Variants in ZBTB4 observed in about 807,000 individuals in gnomAD.
ZBTB4 encodes zinc finger and BTB domain containing 4.
ZBTB4 carries 14 observed loss-of-function variants against 59.8 expected under a neutral mutation model. The ratio of observed to expected loss-of-function variants is 0.23; its 90% CI spans 0.15 to 0.37. ZBTB4 has a LOEUF of 0.37. Among genes scored for constraint, ZBTB4 ranks in the 10% least tolerant of loss-of-function variants. The pLI, the probability that ZBTB4 is intolerant of heterozygous loss-of-function variation, is 1.00. For synonymous variants in ZBTB4, 587 were observed against 575.2 expected (o/e 1.02, Z -0.29); for missense variants, 1,198 against 1,380.8 (o/e 0.87, Z 2.10).
rs1445102559 is a variant in ZBTB4, at chr17:7,461,394, G to C, written c.*546C>G. 2.6e-5 allele frequency: 4 copies of C among 152,850 alleles called. No individual in the cohort carries two copies. Among genetic ancestry groups the C allele is most frequent in the Non-Finnish European group, 5.9e-5 (4 of 68,214 alleles). 9.5% of individuals were successfully genotyped at this position (152,850 alleles called of 1,614,324 possible). A position where few individuals can be genotyped will look rare whatever the true frequency, so the allele number is the denominator to read the frequency against. ...GATACAAGGGAAACAGGGACGTAGA[G>C]ACCCACGCTGGGGAAGGATGAAACC... On this transcript the variant is annotated 3_prime_UTR_variant, in exon 4 of 4. Coordinates refer to ENST00000380599, the MANE Select transcript of ZBTB4 (RefSeq NM_001128833.2).
At chr17:7,477,984 G>A (rs979876190) in intron 1 of ZBTB4, among the ~76,000 whole-genome samples, 2 of 152,026 alleles carry the variant, frequency 1.3e-5, no homozygotes, top group South Asian at 4.1e-4. Flanking sequence ...GCCTCCATGC[G>A]CTACCCTGCA....
chr17:7,482,376 C>T, upstream of ZBTB4: 1 of 1,614,008 alleles, frequency 6.2e-7, no homozygotes, highest in Non-Finnish European at 8.5e-7. Flanking sequence ...GGCAACGCTG[C>T]CACTGTTCGC....
Position 7,463,807 on chromosome 17 carries a change from G to C in ZBTB4, c.1175C>G (p.Pro392Arg), listed in dbSNP as rs765367165. The change falls in exon 4 of 4, where the codon CCG (proline) becomes CGG (arginine). Residue 392 changes from proline to arginine, a missense_variant. Pro to Arg is a moderately radical substitution (Grantham distance 103, BLOSUM62 -2). Coordinates refer to ENST00000380599, the MANE Select transcript of ZBTB4 (RefSeq NM_001128833.2). ...TGTCTTCTCACTGGCAAGGAGGCCCGGGCTAATGCCGTGGAAGGCTCGCTG... is the reference window on the plus strand; with the variant it reads ...TGTCTTCTCACTGGCAAGGAGGCCCCGGCTAATGCCGTGGAAGGCTCGCTG... ...THQRAFHGIS[P>R]GLLASEKTPN... 8.7e-6 allele frequency: 14 copies of C among 1,614,146 alleles called. No individual in the cohort carries two copies. In the East Asian group the frequency reaches 2.9e-4, roughly 33 times the overall value.
At position 7,462,401 on chromosome 17, in the gene ZBTB4, C is replaced by A. The variant is rs776731567; in HGVS notation, c.2581G>T (p.Val861Leu). 2 of 1,613,872 alleles carry A rather than the reference C, an allele frequency of 1.2e-6. No homozygotes were observed. The highest frequency in any genetic ancestry group is 2.7e-5 in the African/African-American group (2 of 74,938). ...TATACATAGCTGCCCCCGCTTGCCA[C>A]TACTGGGGGCTCCTCACCCCCTGAA... is the stretch of plus-strand genomic sequence containing the variant. ...IISGGEEPPV[V>L]ASGGSYVYPP... Residue 861 changes from valine to leucine, a missense_variant, in exon 4 of 4, where the codon GTG becomes TTG. Physicochemically the swap from Val to Leu is conservative, Grantham distance 32. Transcript: ENST00000380599. This position sits in a 1 kb window ranked among gnomAD's most constrained non-coding sequence, Gnocchi z 7.5.
intron 1 of ZBTB4, among the ~76,000 whole-genome samples, chr17:7,478,145 CAT>C (rs1182107429): frequency 2.0e-5 from 3 of 152,188 alleles, no homozygotes; most frequent in African/African-American, 7.2e-5. Context: ...TCCCTCCCCA[CAT>C]GTGTTTTCTG....
intron 1 of ZBTB4, among the ~76,000 whole-genome samples, chr17:7,477,945 C>T (rs955950938): frequency 6.6e-6 from 1 of 152,132 alleles, no homozygotes; most frequent in Non-Finnish European, 1.5e-5. Flanking sequence ...ATTAGCTGGG[C>T]CATCTGACAA....
upstream of ZBTB4, chr17:7,482,958 C>G (rs759139929): frequency 3.5e-5 from 57 of 1,611,798 alleles, no homozygotes; most frequent in Non-Finnish European, 4.7e-5. Context: ...ATCATCACAG[C>G]CTGGAACCTC....
chr17:7,463,532 G>C lies in ZBTB4; in HGVS notation c.1450C>G (p.His484Asp), dbSNP rs2070066976. 4 of 1,581,584 alleles carry C rather than the reference G, an allele frequency of 2.5e-6. No homozygotes were observed. The highest frequency in any genetic ancestry group is 3.4e-6 in the Non-Finnish European group (4 of 1,164,284). ...CCTCCACCACTGCTACTGCCCCCAT[G>C]GACAATGACAGAGGGGGCTGGGTGG... ...FAHPAPSVIV[H>D]GGSSSGGGGS... Residue 484 changes from histidine to aspartate, a missense_variant, in exon 4 of 4, where the codon CAT (histidine) becomes GAT (aspartate). Transcript: ENST00000380599.
upstream of ZBTB4, among the ~76,000 whole-genome samples, chr17:7,480,699 G>A (rs957809023): frequency 1.3e-5 from 2 of 151,394 alleles, no homozygotes; most frequent in Non-Finnish European, 2.9e-5. Context: ...CAGCCTGGGC[G>A]ACAGAGACAG....
In ZBTB4 at chr17:7,461,768, T is replaced by G; in HGVS notation, c.*172A>C. On this transcript the variant is annotated 3_prime_UTR_variant, in exon 4 of 4. Coordinates refer to ENST00000380599, the MANE Select transcript of ZBTB4 (RefSeq NM_001128833.2). ...CCTCGAAAGATCCCTTCCCAGGAGA[T>G]GGGAAAACTACATCTCACACAAAGC... 2 of 523,320 alleles carry G rather than the reference T, an allele frequency of 3.8e-6. No individual in the cohort carries two copies. The highest frequency in any genetic ancestry group is 6.7e-6 in the Non-Finnish European group (2 of 298,164). The allele number at this position is 523,320 out of a possible 1,614,324, so 32.4% of individuals were successfully genotyped here. A position where few individuals can be genotyped will look rare whatever the true frequency, so the allele number is the denominator to read the frequency against.
In ZBTB4 at chr17:7,473,824, A is replaced by G. The variant is rs146281596; in HGVS notation, c.-81+5632T>C. Among the ~76,000 whole-genome samples, 27 of 152,316 alleles carry G rather than the reference A, an allele frequency of 1.8e-4. No individual in the cohort carries two copies. In the East Asian group the frequency reaches 5.0e-3, roughly 28 times the overall value. ...CTCAGCATCCCAAAGTGCTGGGATC[A>G]TAGTGGAAAGCCACTGCGCCCAGCT... On this transcript the variant is annotated intron_variant, in intron 1 of 3. Coordinates refer to ENST00000380599, the MANE Select transcript of ZBTB4 (RefSeq NM_001128833.2).
rs11871207 is a variant in ZBTB4, at chr17:7,463,761, G to A, written c.1221C>T (p.Pro407=). 2.2e-3 allele frequency: 3,479 copies of A among 1,614,116 alleles called. 69 individuals are homozygous for A. The African/African-American group carries it at 0.04, about 18-fold the overall frequency. The part of the protein sequence containing the change: ...SEKTPNGGYK[P]KLNTLKLYRL... The stretch of plus-strand genomic sequence containing the variant: ...GGTAGAGCTTGAGTGTATTGAGCTT[G>A]GGCTTGTAGCCTCCATTGGGTGTCT... The change falls in exon 4 of 4, where the codon CCC becomes CCT. Residue 407 remains proline (P), a synonymous_variant. Transcript: ENST00000380599.
In ZBTB4 at chr17:7,474,186, G is replaced by A. The variant is rs370493692; in HGVS notation, c.-81+5270C>T. Among the ~76,000 whole-genome samples, 377 of 144,416 alleles carry A rather than the reference G, an allele frequency of 2.6e-3. 1 individual carries two copies. Among genetic ancestry groups the A allele is most frequent in the African/African-American group, 9.4e-3 (361 of 38,548 alleles). The allele number at this position is 144,416 out of a possible 152,430, so 94.7% of individuals were successfully genotyped here. ...CCCGCCTTGGCCTCCCTCCCAAAGC[G>A]CTGGAATTACAGGCATGAGCCACCA... On this transcript the variant is annotated intron_variant, in intron 1 of 3. Transcript: ENST00000380599.
At chr17:7,475,635 T>A (rs1168591296) in intron 1 of ZBTB4, among the ~76,000 whole-genome samples, 2 of 152,068 alleles carry the variant, frequency 1.3e-5, no homozygotes, top group Non-Finnish European at 2.9e-5. Flanking sequence ...ACAGGGTTTC[T>A]CCATGTTGGC....
chr17:7,482,359 G>A, upstream of ZBTB4: 2 of 1,614,022 alleles, frequency 1.2e-6, no homozygotes. Context: ...TTCAGGTGGT[G>A]CCCGCTGGCA....
rs1187128372 is a variant in ZBTB4, at chr17:7,461,817, GC to G, written c.*122del. 6.1e-6 allele frequency: 5 copies of G among 819,712 alleles called. No individual in the cohort carries two copies. The highest frequency in any genetic ancestry group is 9.3e-6 in the Non-Finnish European group (5 of 536,338). 50.8% of individuals were successfully genotyped at this position (819,712 alleles called of 1,614,324 possible). On this transcript the variant is annotated 3_prime_UTR_variant, in exon 4 of 4. Transcript: ENST00000380599. ...GCAGCCTGACCCCTGAGCTCCAGGG[GC>G]CCCCAAGTCCCTGCACAAGAGTGTG... is the stretch of plus-strand genomic sequence containing the variant.
chr17:7,462,778 A>G lies in ZBTB4; in HGVS notation c.2204T>C (p.Phe735Ser). Residue 735 changes from phenylalanine (F) to serine (S), a missense_variant, in exon 4 of 4, where the codon TTC (phenylalanine) becomes TCC (serine). This residue lies in a region of ZBTB4 where 550 missense variants were observed against 541.8 expected (regional missense o/e 1.02). Transcript: ENST00000380599. This position sits in a 1 kb window ranked among gnomAD's most constrained non-coding sequence, Gnocchi z 7.5. ...RHRCGDCAQT[F>S]TTLRKLRKHQ... ...CTTCCGCAGCTTTCTCAGGGTGGTG[A>G]AGGTCTGGGCACAGTCCCCGCATCG... is the stretch of plus-strand genomic sequence containing the variant. The G allele has an allele frequency of 1.2e-6, 2 of 1,602,468 alleles. No individual in the cohort carries two copies. Among genetic ancestry groups the G allele is most frequent in the Non-Finnish European group, 8.5e-7 (1 of 1,179,806 alleles).
chr17:7,482,108 G>C (rs780287189), upstream of ZBTB4: 68 of 1,614,058 alleles, frequency 4.2e-5, no homozygotes, highest in Non-Finnish European at 5.3e-5. Flanking sequence ...TGGCCTGCTG[G>C]TGGCCCTGCT....
At chr17:7,464,330 A>C (rs1412979536) in intron 3 of ZBTB4, among the ~76,000 whole-genome samples, 1 of 139,466 alleles carries the variant, frequency 7.2e-6, no homozygotes, top group Admixed American at 7.3e-5. Flanking sequence ...AGAGGCCCTA[A>C]CAAACCTCAG....
Sources: gnomAD v4.1 joint callset for allele counts (sites outside exome capture counted in the v4.1 genomes callset) on GRCh38, gnomAD v4.1.1 for gene constraint, gnomAD v4.1.1 regional missense constraint, Gnocchi (gnomAD v3.1) non-coding constraint, MANE v1.5 for transcripts, NCBI Gene and HGNC (gene_info 2026-07-23, HGNC 2026-07-21) for gene names.